The following ASIC2 variants were observed in gnomAD, a reference collection of about 807,000 sequenced individuals.
The protein encoded by ASIC2 is acid sensing ion channel subunit 2.
Under a neutral mutation model 57.3 loss-of-function variants are expected in ASIC2, and 25 were observed. The ratio of observed to expected loss-of-function variants is 0.44; its 90% confidence interval spans 0.32 to 0.61. The LOEUF (loss-of-function observed/expected upper bound fraction) is 0.61. Ranked by LOEUF, ASIC2 falls within the 20% of genes least tolerant of loss-of-function variation. ASIC2 has a pLI of 0.06. For synonymous variants in ASIC2, 319 were observed against 307.5 expected, an observed-to-expected ratio of 1.04 and a Z score of -0.39; for missense variants, 641 against 738.1, an observed-to-expected ratio of 0.87 and a Z score of 1.52.
At chr17:34,120,731 T>A (rs1351837521) in intron 1 of ASIC2, among the ~76,000 whole-genome samples, 7 of 140,564 alleles carry the variant, frequency 5.0e-5, no homozygotes, top group Non-Finnish European at 9.0e-5. Flanking sequence ...TCTTTTTTTT[T>A]TTTTTTTCTT....
intron 7 of ASIC2, among the ~76,000 whole-genome samples, chr17:33,019,210 A>G (rs2091823693): frequency 6.6e-6 from 1 of 152,010 alleles, no homozygotes; most frequent in East Asian, 1.9e-4. Context: ...GTGTGCACGT[A>G]TTTGTATAAA....
rs2091848896 is a variant in ASIC2 at position 33,023,867 on chromosome 17, T to C, written c.1343A>G (p.Tyr448Cys). The C allele has an allele frequency of 1.2e-6, 2 of 1,614,230 alleles. No homozygotes were observed. The highest frequency in any genetic ancestry group is 8.5e-7 in the Non-Finnish European group (1 of 1,180,038). Residue 448 changes from tyrosine to cysteine, a missense_variant, in exon 6 of 10, where the codon TAT becomes TGT. Physicochemically the swap from Tyr to Cys is radical, Grantham distance 194. Around this residue, in one of 3 missense-constraint regions of ASIC2, gnomAD observed 252 missense variants for 319.8 expected, o/e 0.79. Coordinates refer to ENST00000225823, the MANE Select transcript of ASIC2 (RefSeq NM_183377.2). Reference sequence around the variant, plus strand: ...CCATGCCCACTAAACTTACGAGATATATTTTTCTGATTTGTTAAATTTCTT... The same window carrying C: ...CCATGCCCACTAAACTTACGAGATACATTTTTCTGATTTGTTAAATTTCTT... ...LEKKFNKSEK[Y>C]ISENILVLDI... is the part of the protein sequence containing the mutation.
intron 1 of ASIC2, among the ~76,000 whole-genome samples, chr17:33,253,785 T>C (rs1194286045): frequency 6.6e-6 from 1 of 152,160 alleles, no homozygotes; most frequent in African/African-American, 2.4e-5. Context: ...TTGAAGAGCC[T>C]TGGATTTTCC....
chr17:33,716,130 G>A (rs888218112), intron 1 of ASIC2, among the ~76,000 whole-genome samples: 1 of 152,124 alleles, frequency 6.6e-6, no homozygotes, highest in African/African-American at 2.4e-5. Flanking sequence ...AGGAATCCAA[G>A]CCTAGACAAC....
intron 1 of ASIC2, among the ~76,000 whole-genome samples, chr17:33,739,642 A>G (rs1910032873): frequency 1.3e-5 from 2 of 152,212 alleles, no homozygotes; most frequent in African/African-American, 4.8e-5. Flanking sequence ...AGAGCTCCTG[A>G]GAAGTATCTG....
chr17:33,678,217 A>G (rs1481230288), intron 1 of ASIC2, among the ~76,000 whole-genome samples: 1 of 152,182 alleles, frequency 6.6e-6, no homozygotes, highest in Non-Finnish European at 1.5e-5. Context: ...ACATACTGCT[A>G]TTGCACACTT....
At chr17:33,469,278 A>G (rs2141918158) in intron 1 of ASIC2, among the ~76,000 whole-genome samples, 2 of 152,304 alleles carry the variant, frequency 1.3e-5, no homozygotes. Flanking sequence ...GTGTGGGCTT[A>G]GGCTAGGCGG....
At chr17:34,136,616 T>C (rs549498962) in intron 1 of ASIC2, among the ~76,000 whole-genome samples, 8 of 152,242 alleles carry the variant, frequency 5.3e-5, no homozygotes, top group Non-Finnish European at 1.2e-4. Context: ...GTCCCATCTT[T>C]CTGGGCTGGA....
intron 1 of ASIC2, chr17:33,534,004 A>G (rs1915143596): frequency 6.6e-6 from 1 of 152,086 alleles, no homozygotes; most frequent in Non-Finnish European, 1.5e-5. Context: ...TTTTGAGAAG[A>G]TTGTCATTTA....
chr17:33,874,519 C>T (rs1220974979), intron 1 of ASIC2, among the ~76,000 whole-genome samples: 1 of 152,242 alleles, frequency 6.6e-6, no homozygotes, highest in Non-Finnish European at 1.5e-5. Context: ...CCTGCCGTGT[C>T]CTCTTGACCT....
chr17:33,629,763 T>C (rs1017376651), intron 1 of ASIC2, among the ~76,000 whole-genome samples: 4 of 152,208 alleles, frequency 2.6e-5, no homozygotes, highest in Non-Finnish European at 5.9e-5. Flanking sequence ...CTGGGCAAAC[T>C]TCCAGGGTAG....
At chr17:33,984,006 A>T (rs1905721164) in intron 1 of ASIC2, among the ~76,000 whole-genome samples, 3 of 152,016 alleles carry the variant, frequency 2.0e-5, no homozygotes, top group Admixed American at 1.3e-4. Flanking sequence ...TCTTGTTGTC[A>T]CTAGTTCTGG....
chr17:33,693,098 T>C (rs1908424616), intron 1 of ASIC2, among the ~76,000 whole-genome samples: 1 of 152,246 alleles, frequency 6.6e-6, no homozygotes, highest in Non-Finnish European at 1.5e-5. Flanking sequence ...TTAACTGGTA[T>C]CTTTTTCGTA....
intron 1 of ASIC2, among the ~76,000 whole-genome samples, chr17:34,047,262 C>A (rs1276869723): frequency 6.6e-6 from 1 of 151,984 alleles, no homozygotes; most frequent in African/African-American, 2.4e-5. Context: ...ATAATGAGCA[C>A]CTACTTTGTG....
At chr17:33,812,214 T>C (rs993098671) in intron 1 of ASIC2, among the ~76,000 whole-genome samples, 2 of 152,152 alleles carry the variant, frequency 1.3e-5, no homozygotes, top group African/African-American at 4.8e-5. Context: ...CCTTTGCCAA[T>C]TGCTCTTGAG....
At chr17:33,077,306 C>T (rs1363344009) in intron 3 of ASIC2, among the ~76,000 whole-genome samples, 2 of 152,032 alleles carry the variant, frequency 1.3e-5, no homozygotes, top group African/African-American at 4.8e-5. Flanking sequence ...TTTCTTCTTC[C>T]ACAAGAGGAT....
At chr17:33,639,558 C>T (rs1422904460) in intron 1 of ASIC2, among the ~76,000 whole-genome samples, 4 of 152,090 alleles carry the variant, frequency 2.6e-5, no homozygotes, top group Non-Finnish European at 4.4e-5. Context: ...AGAGGAACTG[C>T]CCCGAGGAGC....
chr17:34,068,047 TA>T (rs1346994310), intron 1 of ASIC2, among the ~76,000 whole-genome samples: 1 of 152,228 alleles, frequency 6.6e-6, no homozygotes, highest in East Asian at 1.9e-4. Context: ...TACAATCCAA[TA>T]AATCTATTTC....
intron 1 of ASIC2, among the ~76,000 whole-genome samples, chr17:34,067,416 C>T (rs1909212378): frequency 6.6e-6 from 1 of 151,992 alleles, no homozygotes; most frequent in African/African-American, 2.4e-5. Context: ...ATCAAACTGA[C>T]AAATGATTTG....
Sources: allele counts gnomAD v4.1 joint callset (sites outside exome capture counted in the v4.1 genomes callset), GRCh38; gene constraint gnomAD v4.1.1; regional missense constraint gnomAD v4.1.1; transcripts MANE v1.5; gene names NCBI Gene and HGNC (gene_info 2026-07-23, HGNC 2026-07-21).